The following VMP1 variants were observed in gnomAD, a reference collection of about 807,000 sequenced individuals.
VMP1 encodes ectopic P-granules autophagy protein 3 homolog.
Under a neutral mutation model 56.0 loss-of-function variants are expected in VMP1, and 11 were observed. That is an observed-to-expected ratio of 0.20 (90% CI 0.12 to 0.32). The LOEUF is 0.32. VMP1 is among the 10% of genes least tolerant of loss of function. The pLI is 1.00. For missense variants in VMP1, 296 were observed against 490.3 expected (o/e 0.60, Z 3.74); for synonymous variants, 149 against 165.0 (o/e 0.90, Z 0.74).
chr17:59,773,255 C>T (rs997913172), intron 6 of VMP1, among the ~76,000 whole-genome samples: 1 of 151,842 alleles, frequency 6.6e-6, no homozygotes, highest in South Asian at 2.1e-4. Flanking sequence ...CCACCATGCC[C>T]AGCCACTGGT....
chr17:59,828,148 G>A (rs2038701589), intron 10 of VMP1, among the ~76,000 whole-genome samples: 1 of 152,000 alleles, frequency 6.6e-6, no homozygotes. Flanking sequence ...CACTCCTTTA[G>A]CTCTGGCCAC....
chr17:59,735,608 T>G, intron 3 of VMP1, 135 bp downstream of exon 3: 1 of 932,014 alleles, frequency 1.1e-6, no homozygotes, highest in Non-Finnish European at 1.6e-6. Context: ...CATAGGAACA[T>G]ATTTATTCTC....
At chr17:59,833,525 T>C (rs2038883369) in intron 10 of VMP1, among the ~76,000 whole-genome samples, 2 of 152,078 alleles carry the variant, frequency 1.3e-5, no homozygotes, top group Non-Finnish European at 2.9e-5. Context: ...TAATAATAAA[T>C]AAAACTTTTA....
intron 7 of VMP1, among the ~76,000 whole-genome samples, chr17:59,777,793 G>T (rs1598380200): frequency 6.6e-6 from 1 of 151,640 alleles, no homozygotes; most frequent in Non-Finnish European, 1.5e-5. Flanking sequence ...CAGCCTGGGC[G>T]ACACAGCAAG....
At chr17:59,824,039 T>C (rs2038548022) in intron 10 of VMP1, among the ~76,000 whole-genome samples, 1 of 151,294 alleles carries the variant, frequency 6.6e-6, no homozygotes, top group African/African-American at 2.4e-5. Context: ...TCACCTGAGG[T>C]CAGGAATTCG....
At chr17:59,820,926 G>A (rs910852318) in intron 10 of VMP1, among the ~76,000 whole-genome samples, 6 of 151,522 alleles carry the variant, frequency 4.0e-5, no homozygotes, top group African/African-American at 1.5e-4. Flanking sequence ...TTAAGCTTAG[G>A]CCAATGTGGT....
chr17:59,787,882 A>G (rs780035015), intron 7 of VMP1, among the ~76,000 whole-genome samples: 5 of 152,164 alleles, frequency 3.3e-5, no homozygotes, highest in Non-Finnish European at 5.9e-5. Context: ...TCGACCTCCT[A>G]AAAATTTCTT....
At chr17:59,730,561 G>A (rs1406347840) in intron 1 of VMP1, among the ~76,000 whole-genome samples, 5 of 152,134 alleles carry the variant, frequency 3.3e-5, no homozygotes, top group African/African-American at 2.4e-5. Flanking sequence ...CACTGCACCC[G>A]GCCCCAGTTG....
At position 59,840,087 on chromosome 17, in the gene VMP1, A is replaced by T; in HGVS notation, c.*176A>T. On this transcript the variant is annotated 3_prime_UTR_variant, in exon 12 of 12. Transcript: ENST00000262291. ...TGACATACTTTTTCCTTCTGTGCTA[A>T]GGTAAGGTATCCACCCTCGATGCAA... 1 of 738,854 alleles carries T rather than the reference A, an allele frequency of 1.4e-6. No homozygotes were observed. Among genetic ancestry groups the T allele is most frequent in the Non-Finnish European group, 2.1e-6 (1 of 475,444 alleles). 45.8% of individuals were successfully genotyped at this position (738,854 alleles called of 1,614,324 possible).
intron 5 of VMP1, among the ~76,000 whole-genome samples, chr17:59,757,859 C>CTTTTTTTTTTTTTTTT (rs66605258): frequency 1.8e-4 from 16 of 91,288 alleles, no homozygotes; most frequent in African/African-American, 5.8e-4. Context: ...TTATTTGCCA[C>CTTTTTTTTTTTTTTTT]TTTTTTTTTT....
chr17:59,727,288 C>T (rs986084900), intron 1 of VMP1, among the ~76,000 whole-genome samples: 2 of 152,002 alleles, frequency 1.3e-5, no homozygotes, highest in African/African-American at 4.8e-5. Context: ...GCGCCCGCCA[C>T]CATGCCTGGC....
intron 5 of VMP1, among the ~76,000 whole-genome samples, chr17:59,761,027 C>G (rs2036034212): frequency 6.6e-6 from 1 of 152,128 alleles, no homozygotes. Flanking sequence ...CCCAGCCTCC[C>G]CAGTAGCTGG....
chr17:59,745,882 T>C (rs1159757104), intron 5 of VMP1, among the ~76,000 whole-genome samples: 1 of 152,242 alleles, frequency 6.6e-6, no homozygotes, highest in African/African-American at 2.4e-5. Flanking sequence ...AATTCATTAT[T>C]TATTATGGCT....
intron 7 of VMP1, among the ~76,000 whole-genome samples, chr17:59,799,035 T>C (rs2037546857): frequency 6.6e-6 from 1 of 152,238 alleles, no homozygotes; most frequent in African/African-American, 2.4e-5. Context: ...AGATTTCTAG[T>C]TACATCTAGT....
chr17:59,812,792 G>A (rs772760192), intron 9 of VMP1, among the ~76,000 whole-genome samples: 5 of 152,142 alleles, frequency 3.3e-5, no homozygotes, highest in Admixed American at 6.5e-5. Flanking sequence ...TTAGCTGGGC[G>A]TGGTGGCGCA....
chr17:59,731,480 C>T lies in VMP1; in HGVS notation c.34C>T (p.Arg12Cys), dbSNP rs543321998. 11 of 1,591,610 alleles carry T rather than the reference C, an allele frequency of 6.9e-6. No homozygotes were observed. The highest frequency in any genetic ancestry group is 1.2e-5 in the South Asian group (1 of 86,766). ...AENGKNCDQR[R>C]VAMNKEHHNG... ...GAATGGAAAAAATTGTGACCAGAGA[C>T]GTGTAGCAATGAACAAGGAACATCA... is the stretch of plus-strand genomic sequence containing the variant. The change falls in exon 2 of 12, where the codon CGT (arginine) becomes TGT (cysteine). Residue 12 changes from arginine to cysteine, a missense_variant. Physicochemically the swap from Arg to Cys is radical, Grantham distance 180 (BLOSUM62 -3). Coordinates refer to ENST00000262291, the MANE Select transcript of VMP1 (RefSeq NM_030938.5).
intron 6 of VMP1, among the ~76,000 whole-genome samples, chr17:59,766,773 CTAAATTTT>C (rs899258312): frequency 1.1e-4 from 16 of 151,646 alleles, no homozygotes; most frequent in African/African-American, 3.9e-4. Context: ...TTTTGTGTGC[CTAAATTTT>C]TTTTTTTGCT....
At chr17:59,769,287 G>A (rs545969750) in intron 6 of VMP1, among the ~76,000 whole-genome samples, 210 of 151,460 alleles carry the variant, frequency 1.4e-3, no homozygotes, top group African/African-American at 4.8e-3. Flanking sequence ...GAGTAGCTAG[G>A]ATTACAGGCA....
intron 6 of VMP1, among the ~76,000 whole-genome samples, chr17:59,768,323 C>T (rs930156579): frequency 2.6e-5 from 4 of 152,098 alleles, no homozygotes; most frequent in Non-Finnish European, 4.4e-5. Flanking sequence ...GTGCTGGGGA[C>T]TGGGTGTAGT....
Sources: gnomAD v4.1 joint callset for allele counts (sites outside exome capture counted in the v4.1 genomes callset) on GRCh38, gnomAD v4.1.1 for gene constraint, MANE v1.5 for transcripts, NCBI Gene and HGNC (gene_info 2026-07-23, HGNC 2026-07-21) for gene names.